SNTG1: variants seen among roughly 807,000 people sequenced by gnomAD.
The protein encoded by SNTG1 is syntrophin gamma 1.
Under a neutral mutation model 74.7 loss-of-function variants are expected in SNTG1, and 39 were observed. The ratio of observed to expected loss-of-function variants is 0.52; its 90% confidence interval spans 0.40 to 0.68. The LOEUF (loss-of-function observed/expected upper bound fraction) is 0.68, where lower values mean the gene tolerates loss of function less well. SNTG1 is among the 30% of genes least tolerant of loss of function. The pLI, the probability that SNTG1 is intolerant of heterozygous loss-of-function variation, is 0.00. For missense variants in SNTG1, 685 were observed against 609.5 expected (o/e 1.12, Z -1.30); for synonymous variants, 254 against 217.1 (o/e 1.17, Z -1.49).
intron 1 of SNTG1, among the ~76,000 whole-genome samples, chr8:50,146,354 C>T (rs2081865265): frequency 6.6e-6 from 1 of 151,924 alleles, no homozygotes; most frequent in South Asian, 2.1e-4. Flanking sequence ...CCCGTCTGTA[C>T]TAAATACAAA....
chr8:50,330,344 T>A (rs2090914549), intron 2 of SNTG1, among the ~76,000 whole-genome samples: 1 of 152,198 alleles, frequency 6.6e-6, no homozygotes, highest in African/African-American at 2.4e-5. Context: ...TGTGAGTCAA[T>A]TAAAGCTCTT....
intron 1 of SNTG1, among the ~76,000 whole-genome samples, chr8:50,109,588 A>C (rs1357721316): frequency 6.6e-6 from 1 of 152,184 alleles, no homozygotes; most frequent in African/African-American, 2.4e-5. Flanking sequence ...TAATGAATAG[A>C]ATACCCTACT....
intron 8 of SNTG1, among the ~76,000 whole-genome samples, chr8:50,453,434 C>T (rs1165477206): frequency 6.6e-6 from 1 of 152,192 alleles, no homozygotes; most frequent in African/African-American, 2.4e-5. Context: ...GAGAAGCTCA[C>T]AGTTTCCTCA....
intron 8 of SNTG1, among the ~76,000 whole-genome samples, chr8:50,485,071 G>A (rs1266032014): frequency 6.6e-6 from 1 of 152,128 alleles, no homozygotes; most frequent in Non-Finnish European, 1.5e-5. Context: ...TGGGGCCTCA[G>A]TAAACATGTG....
At chr8:50,510,261 A>G (rs2094056282) in intron 9 of SNTG1, among the ~76,000 whole-genome samples, 1 of 152,186 alleles carries the variant, frequency 6.6e-6, no homozygotes, top group Non-Finnish European at 1.5e-5. Context: ...CCCAGGGATG[A>G]AGCCCACTTG....
chr8:50,502,465 A>G (rs1051826527), intron 8 of SNTG1, among the ~76,000 whole-genome samples: 2 of 152,198 alleles, frequency 1.3e-5, no homozygotes, highest in Admixed American at 1.3e-4. Flanking sequence ...TGAACATTCT[A>G]TCTGCCTTTC....
chr8:50,180,766 T>C (rs2083174981), intron 2 of SNTG1, among the ~76,000 whole-genome samples: 1 of 144,092 alleles, frequency 6.9e-6, no homozygotes, highest in African/African-American at 2.6e-5. Context: ...TTTTTTTTTT[T>C]TTTTTTTTTT....
rs1185385382 is a variant in SNTG1, at chr8:49,965,102, G to A, written c.-103+52871G>A. On this transcript the variant is annotated intron_variant, in intron 1 of 18. Coordinates refer to ENST00000642720, the MANE Select transcript of SNTG1 (RefSeq NM_018967.5). ...TGTTTCATGAAATGTCTAGTATGAC[G>A]CTCTGGCACTGACCACACTCGTCTA... Among the ~76,000 whole-genome samples the A allele has an allele frequency of 4.6e-5, 7 of 152,204 alleles. No homozygotes were observed. In the South Asian group the frequency reaches 8.3e-4, roughly 18 times the overall value.
chr8:50,546,198 T>A (rs971515486), intron 11 of SNTG1, among the ~76,000 whole-genome samples: 3 of 151,866 alleles, frequency 2.0e-5, no homozygotes, highest in Admixed American at 6.6e-5. Context: ...AATTTGGGGA[T>A]GACTTTGGAT....
At chr8:50,426,822 T>G (rs552534665) in intron 4 of SNTG1, among the ~76,000 whole-genome samples, 1 of 151,888 alleles carries the variant, frequency 6.6e-6, no homozygotes, top group East Asian at 1.9e-4. Flanking sequence ...AATACAACAA[T>G]AAGAAGTAAC....
At chr8:50,549,650 G>A (rs2094411995) in intron 11 of SNTG1, among the ~76,000 whole-genome samples, 1 of 152,056 alleles carries the variant, frequency 6.6e-6, no homozygotes, top group East Asian at 1.9e-4. Flanking sequence ...ATTACACCTT[G>A]TCCGATCACC....
At chr8:50,742,964 AG>A (rs1391390055) in intron 17 of SNTG1, among the ~76,000 whole-genome samples, 8 of 151,908 alleles carry the variant, frequency 5.3e-5, no homozygotes, top group African/African-American at 1.7e-4. Context: ...CACTGCCAAA[AG>A]TGAATGAATC....
intron 18 of SNTG1, among the ~76,000 whole-genome samples, chr8:50,758,250 G>A (rs1390582894): frequency 6.6e-6 from 1 of 151,744 alleles, no homozygotes; most frequent in Non-Finnish European, 1.5e-5. Context: ...TCTGCACCTG[G>A]TCATGCTTGC....
rs1319457729 is a variant in SNTG1, at chr8:50,682,695, A to C, written c.1039-21905A>C. Among the ~76,000 whole-genome samples, 3 of 151,792 alleles carry C rather than the reference A, an allele frequency of 2.0e-5. No individual in the cohort carries two copies. In the South Asian group the frequency reaches 6.3e-4, roughly 32 times the overall value. Reference sequence around the variant, plus strand: ...TTGCCTCCTATCAGTTTCCAGTTTGACTCCAAGTAAAATACAAAGTTCTCA... The same window carrying C: ...TTGCCTCCTATCAGTTTCCAGTTTGCCTCCAAGTAAAATACAAAGTTCTCA... On this transcript the variant is annotated intron_variant, in intron 15 of 18. Coordinates refer to ENST00000642720, the MANE Select transcript of SNTG1 (RefSeq NM_018967.5).
At chr8:50,036,641 G>A (rs1818192465) in intron 1 of SNTG1, among the ~76,000 whole-genome samples, 1 of 152,182 alleles carries the variant, frequency 6.6e-6, no homozygotes. Flanking sequence ...TCTAGTCCAT[G>A]TAAACAGACA....
At chr8:50,265,266 G>A (rs1476739370) in intron 2 of SNTG1, among the ~76,000 whole-genome samples, 1 of 151,906 alleles carries the variant, frequency 6.6e-6, no homozygotes, top group Non-Finnish European at 1.5e-5. Flanking sequence ...GCAACACATA[G>A]CATTATATTC....
intron 1 of SNTG1, among the ~76,000 whole-genome samples, chr8:50,036,659 G>A (rs564349418): frequency 2.0e-5 from 3 of 152,228 alleles, no homozygotes; most frequent in East Asian, 1.9e-4. Context: ...ACAATAATAC[G>A]TGTCAAATGA....
intron 13 of SNTG1, among the ~76,000 whole-genome samples, chr8:50,608,080 G>T (rs560869283): frequency 6.6e-6 from 1 of 151,486 alleles, no homozygotes; most frequent in Non-Finnish European, 1.5e-5. Flanking sequence ...CATATTTCAC[G>T]TGATTACAAA....
chr8:49,969,203 G>A (rs1398811735), intron 1 of SNTG1, among the ~76,000 whole-genome samples: 2 of 151,780 alleles, frequency 1.3e-5, no homozygotes, highest in African/African-American at 4.8e-5. Context: ...TTTTTAAGAG[G>A]CTTGGTTTAC....
Sources: allele counts gnomAD v4.1 joint callset (sites outside exome capture counted in the v4.1 genomes callset), GRCh38; gene constraint gnomAD v4.1.1; transcripts MANE v1.5; gene names NCBI Gene and HGNC (gene_info 2026-07-23, HGNC 2026-07-21).